PROM2: variants seen among roughly 807,000 people sequenced by gnomAD.
PROM2 encodes prominin-2.
PROM2 carries 90 observed loss-of-function variants against 110.2 expected under a neutral mutation model. The observed-to-expected ratio is 0.82, with a 90% CI of 0.69 to 0.97. The LOEUF is 0.97. Ranked by LOEUF, PROM2 falls within the 50% of genes least tolerant of loss-of-function variation. PROM2 has a pLI of 0.00. For missense variants in PROM2, 1,009 were observed against 1,074.8 expected (o/e 0.94, Z 0.86); for synonymous variants, 470 against 467.8 (o/e 1.00, Z -0.06).
In PROM2 at chr2:95,288,463, G is replaced by C. The variant is rs375278971; in HGVS notation, c.2335-20G>C. 16 of 1,610,930 alleles carry C rather than the reference G, an allele frequency of 9.9e-6. No homozygotes were observed. The highest frequency in any genetic ancestry group is 1.3e-5 in the African/African-American group (1 of 74,880). ...TGGGTGCCACGTGGGTTGGTGAGCC[G>C]ACCTCACGCCTTGTTGCAGAATGCC... On this transcript the variant is annotated intron_variant, in intron 21 of 23. Transcript: ENST00000317620.
At position 95,281,230 on chromosome 2, in the gene PROM2, C is replaced by T. The variant is rs202111623; in HGVS notation, c.1428-12C>T. ...CCTGCTGTCCCTCAGTCCTGCCTCT[C>T]GCCTACCCCAGAGGTGTGGGCCTCA... On this transcript the variant is annotated splice_polypyrimidine_tract_variant and intron_variant, in intron 11 of 23. Transcript: ENST00000317620. 7.4e-5 allele frequency: 120 copies of T among 1,611,194 alleles called. 1 individual carries two copies. In the East Asian group the frequency reaches 1.8e-3, roughly 24 times the overall value.
At chr2:95,278,944 G>C (rs773388775) in intron 9 of PROM2, 41 bp from the exon 10 acceptor site, 111 of 1,597,356 alleles carry the variant, frequency 6.9e-5, no homozygotes, top group Non-Finnish European at 8.9e-5. Context: ...TGGGCCCCAG[G>C]GTGCCCTCCG....
chr2:95,288,843 A>G, intron 22 of PROM2, 90 bp from the exon 23 acceptor site: 1 of 1,336,254 alleles, frequency 7.5e-7, no homozygotes. Flanking sequence ...GCTTCCGAGG[A>G]GAAACCCTCA....
At chr2:95,284,483 CCTGTCCG>C (rs1462704980) in intron 14 of PROM2, among the ~76,000 whole-genome samples, 2 of 151,948 alleles carry the variant, frequency 1.3e-5, no homozygotes, top group East Asian at 3.9e-4. Flanking sequence ...AGAGCAAGAC[CCTGTCCG>C]CTTCCCCAAC....
In PROM2 at chr2:95,275,060, T is replaced by C. The variant is rs1347777891; in HGVS notation, c.244+231T>C. On this transcript the variant is annotated intron_variant, in intron 1 of 23. Transcript: ENST00000317620. This position sits in a 1 kb window ranked among gnomAD's most constrained non-coding sequence, Gnocchi z 4.4. ...CTGTCTGTAAAGTGAGGAGGTTACATTGGAAATACATTAGACCTGACTCAG... is the reference window on the plus strand; with the variant it reads ...CTGTCTGTAAAGTGAGGAGGTTACACTGGAAATACATTAGACCTGACTCAG... 1.2e-5 allele frequency: 6 copies of C among 511,746 alleles called. No individual in the cohort carries two copies. Among genetic ancestry groups the C allele is most frequent in the Admixed American group, 7.3e-5 (2 of 27,252 alleles). The allele number at this position is 511,746 out of a possible 1,614,324, so 31.7% of individuals were successfully genotyped here. A position where few individuals can be genotyped will look rare whatever the true frequency, so the allele number is the denominator to read the frequency against.
chr2:95,275,749 C>T lies in PROM2; in HGVS notation c.295-181C>T, dbSNP rs1676605916. The T allele has an allele frequency of 4.2e-5, 61 of 1,454,030 alleles. No individual in the cohort carries two copies. The South Asian group carries it at 7.8e-4, about 19-fold the overall frequency. The allele number at this position is 1,454,030 out of a possible 1,614,324, so 90.1% of individuals were successfully genotyped here. A position where few individuals can be genotyped will look rare whatever the true frequency, so the allele number is the denominator to read the frequency against. On this transcript the variant is annotated intron_variant, in intron 2 of 23. Transcript: ENST00000317620. This position sits in a 1 kb window ranked among gnomAD's most constrained non-coding sequence, Gnocchi z 4.4. ...GCTGGAACTTCCTGAACTTCAGCTT[C>T]CTCCTGTGTAAGATGGTGATGAGCA...
chr2:95,285,493 A>G (rs1172005319), intron 15 of PROM2, 146 bp from the exon 16 acceptor site: 1 of 657,082 alleles, frequency 1.5e-6, no homozygotes, highest in Non-Finnish European at 2.6e-6. Flanking sequence ...TTCCAGGGAA[A>G]ACTCACTGTG....
Position 95,286,491 on chromosome 2 carries a change from C to T in PROM2, c.1960C>T (p.Leu654=). ...TGTATCCTTTCAGGACAATTCTGTGCTGGGGCAGCGGCTGCAGGAGGAGGC... is the reference window on the plus strand; with the variant it reads ...TGTATCCTTTCAGGACAATTCTGTGTTGGGGCAGCGGCTGCAGGAGGAGGC... ...GLAQAQDNSV[L]GQRLQEEAQG... is the part of the protein sequence containing the mutation. The change falls in exon 17 of 24, where the codon CTG becomes TTG. Residue 654 remains leucine, a synonymous_variant. Transcript: ENST00000317620. The T allele has an allele frequency of 7.4e-6, 12 of 1,613,720 alleles. No individual in the cohort carries two copies. The highest frequency in any genetic ancestry group is 1.0e-5 in the Non-Finnish European group (12 of 1,179,928).
chr2:95,283,230 T>G (rs1255530870), intron 14 of PROM2, among the ~76,000 whole-genome samples: 2 of 152,146 alleles, frequency 1.3e-5, no homozygotes, highest in Non-Finnish European at 2.9e-5. Flanking sequence ...GCCCCCATCC[T>G]CTACTGGCAG....
rs1280573376 is a variant in PROM2 at position 95,285,657 on chromosome 2, A to G, written c.1894A>G (p.Lys632Glu). The change falls in exon 16 of 24, where the codon AAG becomes GAG. Residue 632 changes from lysine to glutamate, a missense_variant. Transcript: ENST00000317620. ...CCTGCAGATCCAGAGGCCCGTGGTGAAGACCAGCATGGAGCAGCTGGCCCA... is the reference window on the plus strand; with the variant it reads ...CCTGCAGATCCAGAGGCCCGTGGTGGAGACCAGCATGGAGCAGCTGGCCCA... ...FLVQIQRPVV[K>E]TSMEQLAQEL... 1.2e-6 allele frequency: 2 copies of G among 1,603,448 alleles called. No homozygotes were observed. Among genetic ancestry groups the G allele is most frequent in the African/African-American group, 2.7e-5 (2 of 74,694 alleles).
chr2:95,280,378 G>C (rs530153423), intron 11 of PROM2, among the ~76,000 whole-genome samples: 26 of 152,214 alleles, frequency 1.7e-4, no homozygotes, highest in Non-Finnish European at 3.4e-4. Context: ...CCTGGCTAAG[G>C]GGGTAAGTGG....
At chr2:95,283,770 G>A (rs2104125856) in intron 14 of PROM2, among the ~76,000 whole-genome samples, 1 of 129,184 alleles carries the variant, frequency 7.7e-6, no homozygotes, top group South Asian at 2.6e-4. Context: ...TGAAAATACA[G>A]TTTCATTCAT....
chr2:95,286,539 C>A lies in PROM2; in HGVS notation c.2008C>A (p.Gln670Lys), dbSNP rs759514950. ...GGCCCAAGGACTCAGAAACCTTCAC[C>A]AGGAGAAGGTCGTCCCCCAGCAGAG... The part of the protein sequence containing the change: ...EEAQGLRNLH[Q>K]EKVVPQQSLV... Residue 670 changes from glutamine (Q) to lysine (K), a missense_variant, in exon 17 of 24, where the codon CAG becomes AAG. By Grantham distance (53) the Gln-to-Lys change is moderately conservative (BLOSUM62 1). Coordinates refer to ENST00000317620, the MANE Select transcript of PROM2 (RefSeq NM_001165978.3). 1 of 1,613,766 alleles carries A rather than the reference C, an allele frequency of 6.2e-7. No homozygotes were observed. Among genetic ancestry groups the A allele is most frequent in the Non-Finnish European group, 8.5e-7 (1 of 1,179,986 alleles).
At chr2:95,283,094 C>T (rs1434768239) in intron 14 of PROM2, among the ~76,000 whole-genome samples, 1 of 152,234 alleles carries the variant, frequency 6.6e-6, no homozygotes, top group Non-Finnish European at 1.5e-5. Flanking sequence ...GCAGCTCACT[C>T]CTCCTTCCGC....
chr2:95,274,782 C>A lies in PROM2; in HGVS notation c.197C>A (p.Thr66Asn), dbSNP rs1676547306. The A allele has an allele frequency of 1.2e-6, 2 of 1,608,396 alleles. No individual in the cohort carries two copies. The highest frequency in any genetic ancestry group is 3.3e-5 in the Admixed American group (2 of 59,722). The change falls in exon 1 of 24, where the codon ACC (threonine) becomes AAC (asparagine). Residue 66 changes from threonine to asparagine, a missense_variant. Transcript: ENST00000317620. ...APGLLDSLYG[T>N]VRRFLSVVQL... is the part of the protein sequence containing the mutation. ...GGACTCCTGGACTCCCTCTATGGCA[C>A]CGTGCGCCGCTTCCTCTCGGTGGTG...
chr2:95,288,570 C>A lies in PROM2; in HGVS notation c.2422C>A (p.Pro808Thr), dbSNP rs779313054. ...CGTCAAGACCTCCAAATACTTCCGT[C>A]CTATCCGGAAACGCCTCAGGTGAGG... ...FAVKTSKYFR[P>T]IRKRLSSTSS... Residue 808 changes from proline (P) to threonine (T), a missense_variant, in exon 22 of 24, where the codon CCT becomes ACT. Coordinates refer to ENST00000317620, the MANE Select transcript of PROM2 (RefSeq NM_001165978.3). 1 of 1,613,988 alleles carries A rather than the reference C, an allele frequency of 6.2e-7. No homozygotes were observed. Among genetic ancestry groups the A allele is most frequent in the Non-Finnish European group, 8.5e-7 (1 of 1,179,970 alleles).
intron 17 of PROM2, 81 bp downstream of exon 17, chr2:95,286,652 TGA>T: frequency 7.8e-7 from 1 of 1,289,540 alleles, no homozygotes. Flanking sequence ...AGGGAAGTTC[TGA>T]GAGTCCCTTC....
rs750616286 is a variant in PROM2, at chr2:95,286,484, T to A, written c.1953T>A (p.Asn651Lys). The A allele has an allele frequency of 6.2e-7, 1 of 1,613,274 alleles. No homozygotes were observed. The highest frequency in any genetic ancestry group is 8.5e-7 in the Non-Finnish European group (1 of 1,179,674). The change falls in exon 17 of 24, where the codon AAT (asparagine) becomes AAA (lysine). Residue 651 changes from asparagine to lysine, a missense_variant. Physicochemically the swap from Asn to Lys is moderately conservative, Grantham distance 94 (BLOSUM62 0). Transcript: ENST00000317620. ...ELQGLAQAQDNSVLGQRLQEE... is the reference protein window; with the variant it reads ...ELQGLAQAQDKSVLGQRLQEE... ...TGATTTTTGTATCCTTTCAGGACAA[T>A]TCTGTGCTGGGGCAGCGGCTGCAGG...
In PROM2 at chr2:95,291,166, T is replaced by A. The variant is rs1677663095; in HGVS notation, c.*1953T>A. 2.0e-5 allele frequency: 3 copies of A among 152,182 alleles called. 1 individual carries two copies. The South Asian group carries it at 6.2e-4, about 31-fold the overall frequency. 9.4% of individuals were successfully genotyped at this position (152,182 alleles called of 1,614,324 possible). ...TATTATTATCACTGTCAGATGAGCA[T>A]GCTTGAATGTAGCATGACTGCCTCT... On this transcript the variant is annotated 3_prime_UTR_variant, in exon 24 of 24. Coordinates refer to ENST00000317620, the MANE Select transcript of PROM2 (RefSeq NM_001165978.3).
Sources: allele counts gnomAD v4.1 joint callset (sites outside exome capture counted in the v4.1 genomes callset), GRCh38; gene constraint gnomAD v4.1.1; non-coding constraint Gnocchi (gnomAD v3.1); transcripts MANE v1.5; gene names NCBI Gene and HGNC (gene_info 2026-07-23, HGNC 2026-07-21).